CFAP44: variants seen among roughly 807,000 people sequenced by gnomAD.
CFAP44 encodes the protein cilia- and flagella-associated protein 44.
A neutral mutation model predicts 216.2 loss-of-function variants in CFAP44; 134 were observed. The observed-to-expected ratio is 0.62, with a 90% CI of 0.54 to 0.72. The LOEUF is 0.72. CFAP44 is among the 30% of genes least tolerant of loss of function. The probability of loss-of-function intolerance (pLI) is 0.00; values close to 1 mark genes in which losing one functional copy is unlikely to be tolerated. For synonymous variants in CFAP44, 700 were observed against 727.6 expected (o/e 0.96, Z 0.61); for missense variants, 2,035 against 2,182.1 (o/e 0.93, Z 1.34).
chr3:113,298,958 C>T (rs77801426), intron 32 of CFAP44, among the ~76,000 whole-genome samples: 2 of 152,110 alleles, frequency 1.3e-5, no homozygotes, highest in African/African-American at 4.8e-5. Context: ...TTGAACTGTC[C>T]ACTTACAAAT....
At chr3:113,426,723 G>A (rs1934968996) in intron 3 of CFAP44, 1 of 192,064 alleles carries the variant, frequency 5.2e-6, no homozygotes, top group Non-Finnish European at 1.1e-5. Context: ...CCAGAGACAG[G>A]AGGAATGTAC....
chr3:113,383,858 A>C (rs997080903), intron 15 of CFAP44, among the ~76,000 whole-genome samples: 22 of 152,088 alleles, frequency 1.4e-4, no homozygotes, highest in African/African-American at 5.1e-4. Context: ...CCATCGACCC[A>C]TCATCTACAT....
At chr3:113,440,198 C>G (rs145496901) in intron 1 of CFAP44, among the ~76,000 whole-genome samples, 8,139 of 152,002 alleles carry the variant, frequency 0.054, 260 homozygotes, top group East Asian at 0.1. Flanking sequence ...CGAGTAGCTG[C>G]GATTACAGGC....
At chr3:113,432,186 A>G (rs1231719170) in intron 2 of CFAP44, 1 of 152,200 alleles carries the variant, frequency 6.6e-6, no homozygotes, top group Non-Finnish European at 1.5e-5. Flanking sequence ...ACTCTAGACC[A>G]GACGTGTGGA....
chr3:113,361,292 G>T, intron 21 of CFAP44: 2 of 220,226 alleles, frequency 9.1e-6, no homozygotes, highest in South Asian at 1.6e-4. Flanking sequence ...TTCAGAGGGT[G>T]AATATTCAGC....
At position 113,379,297 on chromosome 3, in the gene CFAP44, G is replaced by A. The variant is rs1248716623; in HGVS notation, c.2298+9C>T. The A allele has an allele frequency of 6.5e-7, 1 of 1,540,566 alleles. No individual in the cohort carries two copies. The highest frequency in any genetic ancestry group is 8.8e-7 in the Non-Finnish European group (1 of 1,139,730). ...TGATTGAGGTAAAAATTATTACATTGTTACTTACCAAAGAAACCCAGAACT... is the reference window on the plus strand; with the variant it reads ...TGATTGAGGTAAAAATTATTACATTATTACTTACCAAAGAAACCCAGAACT... On this transcript the variant is annotated intron_variant, in intron 17 of 34. Transcript: ENST00000393845.
At chr3:113,416,466 C>T in intron 6 of CFAP44, 59 bp downstream of exon 6, 1 of 1,332,224 alleles carries the variant, frequency 7.5e-7, no homozygotes, top group East Asian at 2.3e-5. Flanking sequence ...AATGTCACAC[C>T]TTCTTCAGAA....
In CFAP44 at chr3:113,333,396, A is replaced by G. The variant is rs935654936; in HGVS notation, c.3615+10T>C. On this transcript the variant is annotated intron_variant, in intron 25 of 34. Coordinates refer to ENST00000393845, the MANE Select transcript of CFAP44 (RefSeq NM_001164496.2). ...CCTTCTCCATTGTCATAAAATCTGT[A>G]GATAAGTACCAAAGAATCTAGGTGT... The G allele has an allele frequency of 6.5e-7, 1 of 1,534,570 alleles. No homozygotes were observed. Among genetic ancestry groups the G allele is most frequent in the Admixed American group, 2.0e-5 (1 of 50,266 alleles).
At chr3:113,346,850 G>A (rs929315661) in intron 22 of CFAP44, among the ~76,000 whole-genome samples, 1 of 152,236 alleles carries the variant, frequency 6.6e-6, no homozygotes, top group Non-Finnish European at 1.5e-5. Flanking sequence ...CCCCTTCCAT[G>A]CTGTGGAAGC....
chr3:113,330,935 G>T (rs1950236385), intron 25 of CFAP44, among the ~76,000 whole-genome samples: 1 of 152,042 alleles, frequency 6.6e-6, no homozygotes, highest in South Asian at 2.1e-4. Context: ...GCTGGCTCGT[G>T]TGGCTGAGTT....
chr3:113,344,234 C>G (rs1950360431), intron 23 of CFAP44, among the ~76,000 whole-genome samples: 1 of 151,952 alleles, frequency 6.6e-6, no homozygotes, highest in African/African-American at 2.4e-5. Flanking sequence ...GTCCTCTCAC[C>G]CACTCTCAGT....
At chr3:113,312,925 G>A (rs1950053755) in intron 28 of CFAP44, among the ~76,000 whole-genome samples, 1 of 152,164 alleles carries the variant, frequency 6.6e-6, no homozygotes, top group Non-Finnish European at 1.5e-5. Flanking sequence ...CAGGGGTGGG[G>A]CACTCATGGA....
intron 32 of CFAP44, among the ~76,000 whole-genome samples, chr3:113,303,291 A>G (rs941087392): frequency 4.4e-4 from 67 of 152,342 alleles, no homozygotes; most frequent in Middle Eastern, 3.4e-3. Context: ...TTCCTGTAAC[A>G]TTGTCTATAA....
rs1483413341 is a variant in CFAP44 at position 113,288,653 on chromosome 3, G to T, written c.*2904C>A. ...GATGATCTAAGGTAGCTGTCAAAAT[G>T]AAGTCTGGTGAACTTTTCTGAAGTG... On this transcript the variant is annotated 3_prime_UTR_variant, in exon 35 of 35. Transcript: ENST00000393845. 6.6e-6 allele frequency: 1 copy of T among 152,210 alleles called. No individual in the cohort carries two copies. Among genetic ancestry groups the T allele is most frequent in the Non-Finnish European group, 1.5e-5 (1 of 68,090 alleles). 9.4% of individuals were successfully genotyped at this position (152,210 alleles called of 1,614,324 possible).
At chr3:113,316,005 A>G (rs1353504099) in intron 28 of CFAP44, among the ~76,000 whole-genome samples, 1 of 152,242 alleles carries the variant, frequency 6.6e-6, no homozygotes, top group Non-Finnish European at 1.5e-5. Context: ...ATTCTTTGCA[A>G]GTGCCCAGAG....
At chr3:113,412,417 A>G (rs1395021799) in intron 6 of CFAP44, among the ~76,000 whole-genome samples, 1 of 78,992 alleles carries the variant, frequency 1.3e-5, no homozygotes, top group Non-Finnish European at 2.4e-5. Flanking sequence ...TATTTCTTCT[A>G]AAAAAAAAAA....
intron 28 of CFAP44, among the ~76,000 whole-genome samples, chr3:113,313,565 C>T (rs555697238): frequency 6.6e-6 from 1 of 152,056 alleles, no homozygotes; most frequent in African/African-American, 2.4e-5. Flanking sequence ...TATGGTTTGG[C>T]TCTGTGTCCC....
chr3:113,373,498 C>G lies in CFAP44; in HGVS notation c.2357G>C (p.Ser786Thr). 1 of 1,607,742 alleles carries G rather than the reference C, an allele frequency of 6.2e-7. No individual in the cohort carries two copies. Among genetic ancestry groups the G allele is most frequent in the South Asian group, 1.1e-5 (1 of 89,980 alleles). Residue 786 changes from serine to threonine, a missense_variant, in exon 18 of 35, where the codon AGT (serine) becomes ACT (threonine). By Grantham distance (58) the Ser-to-Thr change is moderately conservative. Transcript: ENST00000393845. ...TTCATCTTTTTGTTCTTTGAAATCA[C>G]TGCTTTCATCACAAGGGGGGAACTC... ...HCEFPPCDESSDFKEQKDEPI... is the reference protein window; with the variant it reads ...HCEFPPCDESTDFKEQKDEPI...
intron 15 of CFAP44, among the ~76,000 whole-genome samples, chr3:113,388,634 G>T (rs1483473544): frequency 6.6e-6 from 1 of 152,130 alleles, no homozygotes; most frequent in East Asian, 1.9e-4. Context: ...TCAGTGATCT[G>T]TTGCCTACAA....
Sources: gnomAD v4.1 joint callset for allele counts (sites outside exome capture counted in the v4.1 genomes callset) on GRCh38, gnomAD v4.1.1 for gene constraint, MANE v1.5 for transcripts, NCBI Gene and HGNC (gene_info 2026-07-23, HGNC 2026-07-21) for gene names.